The following MACROD2 variants were observed in gnomAD, a reference collection of about 807,000 sequenced individuals.
MACROD2 encodes mono-ADP ribosylhydrolase 2, also known as ADP-ribose glycohydrolase MACROD2.
A neutral mutation model predicts 70.4 loss-of-function variants in MACROD2; 36 were observed. That is an observed-to-expected ratio of 0.51 (90% confidence interval 0.39 to 0.68). MACROD2 has a LOEUF of 0.68. Ranked by LOEUF, MACROD2 falls within the 30% of genes least tolerant of loss-of-function variation. The pLI, the probability that MACROD2 is intolerant of heterozygous loss-of-function variation, is 0.00. For synonymous variants in MACROD2, 172 were observed against 178.8 expected, an observed-to-expected ratio of 0.96 and a Z score of 0.30; for missense variants, 496 against 538.4, an observed-to-expected ratio of 0.92 and a Z score of 0.78.
In MACROD2 at chr20:14,326,927, A is replaced by G; in HGVS notation, c.272-166552A>G. On this transcript the variant is annotated intron_variant, in intron 3 of 17. Transcript: ENST00000684519. This position sits in a 1 kb window ranked among gnomAD's most constrained non-coding sequence, Gnocchi z 5.5. ...TTTAGACTAGTGAGACCTTGAAGAG[A>G]TGGTGATGAAATAGTGGATATGCGA... The G allele has an allele frequency of 6.2e-7, 1 of 1,613,760 alleles. No individual in the cohort carries two copies. Among genetic ancestry groups the G allele is most frequent in the Non-Finnish European group, 8.5e-7 (1 of 1,179,786 alleles).
chr20:15,197,722 G>A (rs1014267873), intron 5 of MACROD2, among the ~76,000 whole-genome samples: 8 of 151,882 alleles, frequency 5.3e-5, no homozygotes, highest in African/African-American at 1.9e-4. Flanking sequence ...TTTGAGACAG[G>A]GTCTTTCTCT....
At chr20:15,240,511 G>A (rs897134026) in intron 6 of MACROD2, among the ~76,000 whole-genome samples, 4 of 152,026 alleles carry the variant, frequency 2.6e-5, no homozygotes, top group African/African-American at 7.2e-5. Context: ...AGTTATGATC[G>A]CACCACTGCA....
At chr20:15,908,930 C>CAATG (rs1251088397) in intron 10 of MACROD2, among the ~76,000 whole-genome samples, 1 of 152,236 alleles carries the variant, frequency 6.6e-6, no homozygotes, top group African/African-American at 2.4e-5. Flanking sequence ...CAAGAGCAGA[C>CAATG]AATGGCTTGT....
chr20:15,879,810 C>T (rs761485142), intron 9 of MACROD2, among the ~76,000 whole-genome samples: 1 of 152,064 alleles, frequency 6.6e-6, no homozygotes, highest in African/African-American at 2.4e-5. Flanking sequence ...CAGGAGAGCT[C>T]ATGGCATAGT....
At chr20:15,496,351 G>A (rs576730025) in intron 7 of MACROD2, among the ~76,000 whole-genome samples, 13 of 152,214 alleles carry the variant, frequency 8.5e-5, no homozygotes, top group South Asian at 4.1e-4. Context: ...CTGGCTAAGC[G>A]CGGGGTGGGT....
intron 3 of MACROD2, among the ~76,000 whole-genome samples, chr20:14,184,388 G>T (rs2081328040): frequency 6.6e-6 from 1 of 151,968 alleles, no homozygotes; most frequent in Admixed American, 6.6e-5. Context: ...TGGTCAATGT[G>T]TCTGTTTTTG....
intron 3 of MACROD2, among the ~76,000 whole-genome samples, chr20:14,172,084 A>G (rs1025130795): frequency 6.6e-6 from 1 of 152,170 alleles, no homozygotes; most frequent in Non-Finnish European, 1.5e-5. Flanking sequence ...TTATCATTAT[A>G]TAATTTTCCT....
intron 5 of MACROD2, among the ~76,000 whole-genome samples, chr20:15,200,910 G>T (rs1210270012): frequency 6.6e-6 from 1 of 152,148 alleles, no homozygotes; most frequent in African/African-American, 2.4e-5. Flanking sequence ...GTAACAAGGG[G>T]TTAGAAGCAA....
chr20:14,846,369 G>A (rs752388301), intron 5 of MACROD2, among the ~76,000 whole-genome samples: 1 of 151,912 alleles, frequency 6.6e-6, no homozygotes, highest in African/African-American at 2.4e-5. Flanking sequence ...AGTTACAGGC[G>A]CACGCCACCA....
chr20:14,077,902 T>C (rs1019935336), intron 2 of MACROD2, among the ~76,000 whole-genome samples: 6 of 151,282 alleles, frequency 4.0e-5, no homozygotes, highest in Middle Eastern at 3.4e-3. Context: ...TTCTTTTTTT[T>C]TTTTTTTTTT....
At chr20:15,876,990 T>A (rs2064684560) in intron 9 of MACROD2, among the ~76,000 whole-genome samples, 1 of 152,154 alleles carries the variant, frequency 6.6e-6, no homozygotes, top group Non-Finnish European at 1.5e-5. Flanking sequence ...GCCTTCCTAC[T>A]GCAACCATCC....
intron 8 of MACROD2, among the ~76,000 whole-genome samples, chr20:15,547,877 A>T (rs141270470): frequency 3.9e-5 from 6 of 152,200 alleles, no homozygotes; most frequent in African/African-American, 7.2e-5. Context: ...TCTTCATCTC[A>T]GAACAGCCTC....
At chr20:14,886,562 C>T (rs1202564879) in intron 5 of MACROD2, among the ~76,000 whole-genome samples, 5 of 152,220 alleles carry the variant, frequency 3.3e-5, no homozygotes, top group African/African-American at 9.6e-5. Flanking sequence ...AGCTTTTTAC[C>T]TGTGCTATAA....
chr20:16,003,015 A>C (rs1407242827), intron 15 of MACROD2, among the ~76,000 whole-genome samples: 1 of 151,956 alleles, frequency 6.6e-6, no homozygotes, highest in Non-Finnish European at 1.5e-5. Context: ...CAGCATGAAT[A>C]TGTACAAGGC....
At chr20:15,238,320 G>A (rs1481411461) in intron 6 of MACROD2, among the ~76,000 whole-genome samples, 1 of 152,118 alleles carries the variant, frequency 6.6e-6, no homozygotes, top group Non-Finnish European at 1.5e-5. Context: ...TTATGAAAGT[G>A]AATGTAATGC....
intron 5 of MACROD2, among the ~76,000 whole-genome samples, chr20:14,920,642 G>C (rs1298293561): frequency 1.3e-5 from 2 of 152,088 alleles, no homozygotes; most frequent in African/African-American, 2.4e-5. Context: ...CAGGTGAAGA[G>C]TTACCTTCTA....
At chr20:14,737,275 A>G (rs1327054066) in intron 5 of MACROD2, among the ~76,000 whole-genome samples, 2 of 152,160 alleles carry the variant, frequency 1.3e-5, no homozygotes, top group African/African-American at 4.8e-5. Flanking sequence ...CCTGCAAAGG[A>G]CGTGAACTCA....
intron 7 of MACROD2, among the ~76,000 whole-genome samples, chr20:15,445,680 G>A (rs909991110): frequency 3.3e-5 from 5 of 152,054 alleles, no homozygotes; most frequent in Admixed American, 2.0e-4. Flanking sequence ...CAAAATACCC[G>A]GAAAGCTTGC....
At chr20:14,256,382 G>A (rs1192884299) in intron 3 of MACROD2, among the ~76,000 whole-genome samples, 1 of 151,990 alleles carries the variant, frequency 6.6e-6, no homozygotes, top group Non-Finnish European at 1.5e-5. Flanking sequence ...TTATTTTATT[G>A]TAGTATTTTT....
Sources: gnomAD v4.1 joint callset for allele counts (sites outside exome capture counted in the v4.1 genomes callset) on GRCh38, gnomAD v4.1.1 for gene constraint, Gnocchi (gnomAD v3.1) non-coding constraint, MANE v1.5 for transcripts, NCBI Gene and HGNC (gene_info 2026-07-23, HGNC 2026-07-21) for gene names.